Variants in ARVCF observed in about 807,000 individuals in gnomAD.
ARVCF encodes splicing regulator ARVCF.
A neutral mutation model predicts 90.9 loss-of-function variants in ARVCF; 66 were observed. The ratio of observed to expected loss-of-function variants is 0.73; its 90% CI spans 0.60 to 0.89. The LOEUF (loss-of-function observed/expected upper bound fraction) is 0.89, where lower values mean the gene tolerates loss of function less well. Ranked by LOEUF, ARVCF falls within the 40% of genes least tolerant of loss-of-function variation. The pLI is 0.00. For missense variants in ARVCF, 1,469 were observed against 1,382.3 expected, an observed-to-expected ratio of 1.06 and a Z score of -1.00; for synonymous variants, 653 against 603.4, an observed-to-expected ratio of 1.08 and a Z score of -1.21.
At chr22:19,981,088 A>G in intron 5 of ARVCF, 123 bp downstream of exon 5, 1 of 1,291,746 alleles carries the variant, frequency 7.7e-7, no homozygotes, top group East Asian at 2.6e-5. Context: ...AGCCAAGGCC[A>G]ATTCAAACTA....
downstream of ARVCF, among the ~76,000 whole-genome samples, chr22:19,966,584 GCATGCACCACTA>G (rs1259919890): frequency 6.6e-6 from 1 of 151,062 alleles, no homozygotes; most frequent in Non-Finnish European, 1.5e-5. Flanking sequence ...AGGACTAAAG[GCATGCACCACTA>G]CACCTGGCTA....
intron 2 of ARVCF, among the ~76,000 whole-genome samples, chr22:19,998,234 G>A (rs1261959800): frequency 6.6e-6 from 1 of 152,186 alleles, no homozygotes; most frequent in Non-Finnish European, 1.5e-5. Flanking sequence ...CGCCTGCAAC[G>A]CCCTTTCCCC....
chr22:19,973,391 G>T, intron 13 of ARVCF, 74 bp from the exon 14 acceptor site: 1 of 1,488,628 alleles, frequency 6.7e-7, no homozygotes, highest in Non-Finnish European at 9.0e-7. Flanking sequence ...TCCCGCGAGG[G>T]CGAGGGGCAC....
intron 2 of ARVCF, among the ~76,000 whole-genome samples, chr22:20,001,831 A>C (rs1944456684): frequency 6.6e-6 from 1 of 152,228 alleles, no homozygotes. Flanking sequence ...GCCGCTATAA[A>C]TAATGAGGAT....
At chr22:19,976,817 C>T in intron 9 of ARVCF, 94 bp from the exon 10 acceptor site, 1 of 1,392,976 alleles carries the variant, frequency 7.2e-7, no homozygotes, top group Non-Finnish European at 9.9e-7. Flanking sequence ...CTCAGGTTCC[C>T]ACTGCACACC....
Position 19,970,621 on chromosome 22 carries a change from T to G in ARVCF, c.*135A>C. 7.9e-7 allele frequency: 1 copy of G among 1,273,302 alleles called. No homozygotes were observed. Among genetic ancestry groups the G allele is most frequent in the African/African-American group, 1.5e-5 (1 of 64,846 alleles). 78.9% of individuals were successfully genotyped at this position (1,273,302 alleles called of 1,614,324 possible). On this transcript the variant is annotated 3_prime_UTR_variant, in exon 20 of 20. Transcript: ENST00000263207. The stretch of plus-strand genomic sequence containing the variant: ...AGGAGGGTGTCCCCAAAGTCAGGCT[T>G]GGCTGGGGCGAGGCGCTGCCAACCC...
At chr22:20,012,498 C>G (rs927917028) in intron 1 of ARVCF, among the ~76,000 whole-genome samples, 5 of 152,258 alleles carry the variant, frequency 3.3e-5, no homozygotes, top group African/African-American at 1.2e-4. Context: ...GGGAGGTGCT[C>G]ACCTTGGGGA....
rs183177409 is a variant in ARVCF, at chr22:19,971,270, G to C, written c.2847C>G (p.Ala949=). 7.1e-6 allele frequency: 11 copies of C among 1,556,712 alleles called. No homozygotes were observed. The East Asian group carries it at 2.2e-4, about 31-fold the overall frequency. ...CGGGCTGAGGCTTAGCGTCCCCTAC[G>C]GCGTCCACCAGCCTGACCGCGGGCC... ...PSRPAVRLVD[A]VGDAKPQPVD... The change falls in exon 19 of 20, where the codon GCC becomes GCG. Residue 949 remains alanine, a synonymous_variant. Transcript: ENST00000263207.
intron 1 of ARVCF, among the ~76,000 whole-genome samples, chr22:20,014,079 T>G (rs1288833057): frequency 6.6e-6 from 1 of 152,190 alleles, no homozygotes; most frequent in East Asian, 1.9e-4. Context: ...TTTCACCATG[T>G]TGGCCAGGCT....
downstream of ARVCF, chr22:19,968,478 G>A (rs1942548146): frequency 1.3e-6 from 2 of 1,548,664 alleles, no homozygotes; most frequent in Non-Finnish European, 1.8e-6. Flanking sequence ...CCTGGTTTGG[G>A]GCAGGTTCTC....
At chr22:19,974,032 C>T in intron 12 of ARVCF, 80 bp downstream of exon 12, 3 of 1,536,392 alleles carry the variant, frequency 2.0e-6, no homozygotes, top group South Asian at 1.2e-5. Flanking sequence ...CCCCGCCAGC[C>T]GAGGCAGGAG....
intron 9 of ARVCF, among the ~76,000 whole-genome samples, chr22:19,977,162 G>C (rs1466675071): frequency 6.6e-6 from 1 of 152,222 alleles, no homozygotes; most frequent in Non-Finnish European, 1.5e-5. Flanking sequence ...ACTGGGTCTG[G>C]GCATTGGTTG....
intron 2 of ARVCF, among the ~76,000 whole-genome samples, chr22:19,993,984 G>C (rs1457517032): frequency 2.0e-5 from 3 of 152,250 alleles, no homozygotes; most frequent in Non-Finnish European, 4.4e-5. Context: ...GCAAGCAGGT[G>C]GCCCGAGGAG....
In ARVCF at chr22:19,981,235, T is replaced by A. The variant is rs759575439; in HGVS notation, c.872A>T (p.Glu291Val). The change falls in exon 5 of 20, where the codon GAG (glutamate) becomes GTG (valine). Residue 291 changes from glutamate (E) to valine (V), a missense_variant. Glu to Val is a moderately radical substitution (Grantham distance 121). Coordinates refer to ENST00000263207, the MANE Select transcript of ARVCF (RefSeq NM_001670.3). ...CCTGGTATGAAGGCCCCGCCCACAC[T>A]CAGGCCTCCTCCTTGTGGCCGTGCC... ...DYGTATRRRP[E>V]CGRGLHTRAY... 6.4e-7 allele frequency: 1 copy of A among 1,552,478 alleles called. No homozygotes were observed. Among genetic ancestry groups the A allele is most frequent in the South Asian group, 1.2e-5 (1 of 84,196 alleles).
At position 19,974,202 on chromosome 22, in the gene ARVCF, G is replaced by C; in HGVS notation, c.1998C>G (p.Leu666=). 1 of 1,612,722 alleles carries C rather than the reference G, an allele frequency of 6.2e-7. No individual in the cohort carries two copies. The change falls in exon 12 of 20, where the codon CTC becomes CTG. Residue 666 remains leucine (L), a synonymous_variant. Coordinates refer to ENST00000263207, the MANE Select transcript of ARVCF (RefSeq NM_001670.3). The stretch of plus-strand genomic sequence containing the variant: ...GGCTCTCCGTGAGGAGGGAGAGGTA[G>C]AGACGTACCACCTCGGGCTGGTACA... ...ELLYQPEVVR[L]YLSLLTESRN...
intron 2 of ARVCF, among the ~76,000 whole-genome samples, chr22:20,004,506 A>G (rs1053212385): frequency 1.3e-5 from 2 of 152,146 alleles, no homozygotes; most frequent in Admixed American, 1.3e-4. Flanking sequence ...AGAAAAGAAA[A>G]AAAAAATCCC....
At chr22:19,982,716 G>A (rs1264494380) in intron 3 of ARVCF, among the ~76,000 whole-genome samples, 2 of 152,226 alleles carry the variant, frequency 1.3e-5, no homozygotes, top group African/African-American at 4.8e-5. Context: ...TGCACCTGCA[G>A]CACCAGTATG....
At chr22:19,967,311 C>G, downstream of ARVCF, 3 of 911,590 alleles carry the variant, frequency 3.3e-6, no homozygotes, top group Non-Finnish European at 4.8e-6. Context: ...TGGAAGGCAG[C>G]CGCCCTGCTC....
chr22:19,973,863 C>T lies in ARVCF; in HGVS notation c.2089-70G>A, dbSNP rs974671001. 7.1e-6 allele frequency: 11 copies of T among 1,547,782 alleles called. No homozygotes were observed. The African/African-American group carries it at 8.1e-5, about 11-fold the overall frequency. On this transcript the variant is annotated intron_variant, in intron 12 of 19. Coordinates refer to ENST00000263207, the MANE Select transcript of ARVCF (RefSeq NM_001670.3). ...CTCTCCCACCTCCAGACGCTGACCG[C>T]TCTCTCCAGCTGGACCTTCCTGCTC... is the stretch of plus-strand genomic sequence containing the variant.
Sources: allele counts gnomAD v4.1 joint callset (sites outside exome capture counted in the v4.1 genomes callset), GRCh38; gene constraint gnomAD v4.1.1; transcripts MANE v1.5; gene names NCBI Gene and HGNC (gene_info 2026-07-23, HGNC 2026-07-21).